Variants in DCAF8L2 observed in about 807,000 individuals in gnomAD.
DCAF8L2 encodes DDB1 and CUL4 associated factor 8 like 2, also known as DDB1- and CUL4-associated factor 8-like protein 2.
For synonymous variants in DCAF8L2, 200 were observed against 190.9 expected (o/e 1.05, Z -0.39); for missense variants, 430 against 490.7 (o/e 0.88, Z 1.17).
the DCAF8L2 span, among the ~76,000 whole-genome samples, chrX:27,567,792 A>G: frequency 9.2e-6 from 1 of 108,284 alleles, no homozygotes; most frequent in Non-Finnish European, 1.9e-5. Context: ...GTGATTTCAA[A>G]GCTAGTTTTG....
chrX:27,517,738 C>A, the DCAF8L2 span: 1 of 1,099,751 alleles, frequency 9.1e-7, no homozygotes, highest in African/African-American at 1.8e-5. Flanking sequence ...TCAGCTTATG[C>A]AGAACATATA....
chrX:27,523,406 C>T, the DCAF8L2 span, among the ~76,000 whole-genome samples: 3 of 58,157 alleles, frequency 5.2e-5, no homozygotes, highest in Admixed American at 2.3e-4. Flanking sequence ...TTTCTGTCTA[C>T]TGAGTGTGTG....
At chrX:27,593,100 T>A (rs1926195446) in intron 1 of DCAF8L2, among the ~76,000 whole-genome samples, 2 of 111,767 alleles carry the variant, frequency 1.8e-5, no homozygotes, top group Non-Finnish European at 3.8e-5. Context: ...TGCCCAGCCA[T>A]CTCAACCATT....
chrX:27,630,541 C>G (rs1047881688), intron 1 of DCAF8L2, among the ~76,000 whole-genome samples: 2 of 111,134 alleles, frequency 1.8e-5, no homozygotes, highest in Non-Finnish European at 3.8e-5. Flanking sequence ...TACATAATAC[C>G]AAAGCCAGAC....
intron 2 of DCAF8L2, among the ~76,000 whole-genome samples, chrX:27,663,864 ATTTTTT>A (rs80069253): frequency 2.9e-5 from 2 of 68,988 alleles, no homozygotes; most frequent in African/African-American, 1.1e-4. Context: ...CACCTGGCTA[ATTTTTT>A]TTTTTTTTTT....
the DCAF8L2 span, among the ~76,000 whole-genome samples, chrX:27,524,710 A>C: frequency 9.0e-6 from 1 of 111,526 alleles, no homozygotes; most frequent in Non-Finnish European, 1.9e-5. Context: ...AATGTGTCCC[A>C]GAGATTCTGG....
chrX:27,543,555 T>C, the DCAF8L2 span, among the ~76,000 whole-genome samples: 1 of 111,805 alleles, frequency 8.9e-6, no homozygotes, highest in Non-Finnish European at 1.9e-5. Flanking sequence ...TCTGAGCCTG[T>C]ATTTTATCCT....
the DCAF8L2 span, chrX:27,518,769 A>G: frequency 6.6e-6 from 2 of 304,117 alleles, no homozygotes; most frequent in Non-Finnish European, 1.2e-5. Context: ...AATAAAATAA[A>G]TATAAGAATA....
the DCAF8L2 span, among the ~76,000 whole-genome samples, chrX:27,528,517 T>C: frequency 2.3e-4 from 23 of 100,680 alleles, no homozygotes; most frequent in South Asian, 6.2e-3. Flanking sequence ...CACACACACA[T>C]ACACATATAT....
Position 27,749,046 on chromosome X carries a change from A to G in DCAF8L2, c.*255A>G, listed in dbSNP as rs1252707244. Among the ~76,000 whole-genome samples, 1 of 110,262 alleles carries G rather than the reference A, an allele frequency of 9.1e-6. No homozygotes were observed. Among genetic ancestry groups the G allele is most frequent in the Non-Finnish European group, 1.9e-5 (1 of 52,858 alleles). On this transcript the variant is annotated 3_prime_UTR_variant, in exon 5 of 5. Transcript: ENST00000451261. ...TTACCCCTTATTCTTACATGAGTGCATACACAACTTATTTATGCCTCTTTT... is the reference window on the plus strand; with the variant it reads ...TTACCCCTTATTCTTACATGAGTGCGTACACAACTTATTTATGCCTCTTTT...
At chrX:27,564,538 GCACACA>G in the DCAF8L2 span, among the ~76,000 whole-genome samples, 1 of 105,434 alleles carries the variant, frequency 9.5e-6, no homozygotes, top group Non-Finnish European at 2.0e-5. Flanking sequence ...GCACACACAT[GCACACA>G]CACACACACA....
the DCAF8L2 span, among the ~76,000 whole-genome samples, chrX:27,516,460 A>G: frequency 9.7e-6 from 1 of 102,696 alleles, no homozygotes; most frequent in African/African-American, 3.8e-5. Context: ...TCTCTCACAC[A>G]CACACACACA....
At chrX:27,639,496 T>C (rs1284541546) in intron 2 of DCAF8L2, among the ~76,000 whole-genome samples, 1 of 111,822 alleles carries the variant, frequency 8.9e-6, no homozygotes, top group Non-Finnish European at 1.9e-5. Flanking sequence ...CCATTCTCCA[T>C]GATGTGCTTA....
intron 2 of DCAF8L2, among the ~76,000 whole-genome samples, chrX:27,636,710 G>C (rs2147179870): frequency 9.0e-6 from 1 of 111,682 alleles, no homozygotes; most frequent in Admixed American, 9.5e-5. Flanking sequence ...AGCTCAAAGA[G>C]TTGAGGGGAG....
At chrX:27,483,232 C>A in the DCAF8L2 span, among the ~76,000 whole-genome samples, 6 of 111,450 alleles carry the variant, frequency 5.4e-5, no homozygotes, top group Admixed American at 2.9e-4. Context: ...AGCGAGTAAA[C>A]TGCCCAACCA....
chrX:27,667,491 A>G (rs1270458648), intron 2 of DCAF8L2, among the ~76,000 whole-genome samples: 1 of 111,553 alleles, frequency 9.0e-6, no homozygotes, highest in Non-Finnish European at 1.9e-5. Flanking sequence ...CTGTTTTATA[A>G]TATCAAGGAG....
intron 1 of DCAF8L2, among the ~76,000 whole-genome samples, chrX:27,628,030 A>C (rs750489249): frequency 8.1e-5 from 9 of 111,570 alleles, no homozygotes; most frequent in Non-Finnish European, 1.5e-4. Flanking sequence ...GTTGTACAGC[A>C]GATCTCTAGA....
chrX:27,489,456 A>G, the DCAF8L2 span, among the ~76,000 whole-genome samples: 1 of 112,746 alleles, frequency 8.9e-6, no homozygotes, highest in African/African-American at 3.2e-5. Flanking sequence ...TTCCGTTGAC[A>G]TTTTAACAAT....
At chrX:27,720,063 A>G (rs1162337672) in intron 4 of DCAF8L2, among the ~76,000 whole-genome samples, 4 of 108,304 alleles carry the variant, frequency 3.7e-5, no homozygotes, top group Non-Finnish European at 7.6e-5. Flanking sequence ...GCTAAATTTT[A>G]TATATGATTT....
Sources: gnomAD v4.1 joint callset for allele counts (sites outside exome capture counted in the v4.1 genomes callset) on GRCh38, gnomAD v4.1.1 for gene constraint, MANE v1.5 for transcripts, NCBI Gene and HGNC (gene_info 2026-07-23, HGNC 2026-07-21) for gene names.